ZNF821: variants seen among roughly 807,000 people sequenced by gnomAD.
ZNF821 encodes the protein zinc finger protein 821.
In ZNF821, 16 loss-of-function variants were observed where a neutral mutation model predicts 44.3. That is an observed-to-expected ratio of 0.36 (90% CI 0.24 to 0.55). The LOEUF is 0.55. Ranked by LOEUF, ZNF821 falls within the 20% of genes least tolerant of loss-of-function variation. The probability of loss-of-function intolerance (pLI) is 0.86; values close to 1 mark genes in which losing one functional copy is unlikely to be tolerated. For synonymous variants in ZNF821, 204 were observed against 197.6 expected (o/e 1.03, Z -0.27); for missense variants, 436 against 547.6 (o/e 0.80, Z 2.03).
chr16:71,886,204 A>C (rs1157723149), upstream of ZNF821, among the ~76,000 whole-genome samples: 1 of 152,212 alleles, frequency 6.6e-6, no homozygotes, highest in Non-Finnish European at 1.5e-5. Context: ...GTTGTGATTC[A>C]AGGTTACAAC....
chr16:71,862,224 C>G (rs1420770455), intron 6 of ZNF821, among the ~76,000 whole-genome samples: 1 of 152,180 alleles, frequency 6.6e-6, no homozygotes, highest in East Asian at 1.9e-4. Flanking sequence ...TGCCTGTAAT[C>G]CCAACACTTT....
rs1233551011 is a variant in ZNF821, at chr16:71,860,603, A to G, written c.654T>C (p.Ala218=). Residue 218 remains alanine (A), a synonymous_variant, in exon 8 of 8, where the codon GCT becomes GCC. Coordinates refer to ENST00000425432, the MANE Select transcript of ZNF821 (RefSeq NM_001201552.2). This position sits in a 1 kb window ranked among gnomAD's most constrained non-coding sequence, Gnocchi z 7.3. Reference sequence around the variant, plus strand: ...GACTAAAGGCAATATCCTTCCCCTCAGCACTGGAGGGACCCTCATTGTGGA... The same window carrying G: ...GACTAAAGGCAATATCCTTCCCCTCGGCACTGGAGGGACCCTCATTGTGGA... ...PTVHNEGPSS[A]EGKDIAFSPP... The G allele has an allele frequency of 1.2e-6, 2 of 1,614,162 alleles. No individual in the cohort carries two copies. Among genetic ancestry groups the G allele is most frequent in the Non-Finnish European group, 1.7e-6 (2 of 1,180,030 alleles).
chr16:71,879,826 G>A, intron 3 of ZNF821, 81 bp downstream of exon 3: 2 of 1,311,592 alleles, frequency 1.5e-6, no homozygotes, highest in Admixed American at 2.2e-5. Flanking sequence ...ATTAGCGTGA[G>A]CTTCTCCCCT....
intron 3 of ZNF821, among the ~76,000 whole-genome samples, chr16:71,876,585 T>A (rs1163532419): frequency 3.3e-5 from 5 of 151,978 alleles, no homozygotes; most frequent in Non-Finnish European, 1.5e-5. Flanking sequence ...ATACTTCATT[T>A]TTTTCTTTCT....
chr16:71,877,781 G>A (rs551799535), intron 3 of ZNF821, among the ~76,000 whole-genome samples: 139 of 151,266 alleles, frequency 9.2e-4, no homozygotes, highest in African/African-American at 3.1e-3. Flanking sequence ...TTAGCCGGGC[G>A]TGGTGGCATG....
upstream of ZNF821, among the ~76,000 whole-genome samples, chr16:71,886,104 C>G (rs1432933688): frequency 1.3e-5 from 2 of 152,186 alleles, no homozygotes; most frequent in African/African-American, 4.8e-5. Flanking sequence ...TGTTGGGCAG[C>G]TTATTCCATC....
At chr16:71,879,495 G>C (rs1052243521) in intron 3 of ZNF821, among the ~76,000 whole-genome samples, 1 of 151,984 alleles carries the variant, frequency 6.6e-6, no homozygotes, top group Non-Finnish European at 1.5e-5. Context: ...TGCAGCATCT[G>C]TTTGGCAATT....
chr16:71,879,347 T>C (rs952826957), intron 3 of ZNF821, among the ~76,000 whole-genome samples: 16 of 152,172 alleles, frequency 1.1e-4, no homozygotes, highest in Non-Finnish European at 2.4e-4. Flanking sequence ...ATTTTTTTTT[T>C]CAAATCCATT....
At chr16:71,867,686 C>CAA (rs879563055) in intron 4 of ZNF821, among the ~76,000 whole-genome samples, 1 of 140,188 alleles carries the variant, frequency 7.1e-6, no homozygotes, top group African/African-American at 2.6e-5. Flanking sequence ...AACTCTGTCA[C>CAA]AAAAAAAAAA....
At chr16:71,892,101 C>T (rs962172310) in intron 1 of ZNF821, among the ~76,000 whole-genome samples, 2 of 125,334 alleles carry the variant, frequency 1.6e-5, no homozygotes, top group South Asian at 2.8e-4. Flanking sequence ...TCGCTTTAAC[C>T]CGGGAGGTGG....
chr16:71,873,321 C>CA (rs71153677), intron 3 of ZNF821, among the ~76,000 whole-genome samples: 3,723 of 132,060 alleles, frequency 0.028, 60 homozygotes, highest in Non-Finnish European at 0.03. Context: ...GATGCTGTCT[C>CA]AAAAAAAAAA....
intron 3 of ZNF821, among the ~76,000 whole-genome samples, chr16:71,876,320 C>A (rs2142438351): frequency 6.6e-6 from 1 of 152,166 alleles, no homozygotes. Context: ...TCTCCTGCCT[C>A]AGCCTCCCGA....
At chr16:71,863,937 A>T (rs1193222334) in intron 6 of ZNF821, among the ~76,000 whole-genome samples, 3 of 152,160 alleles carry the variant, frequency 2.0e-5, no homozygotes, top group South Asian at 2.1e-4. Context: ...ACTTCAAGTG[A>T]TCTACCCGCC....
intron 1 of ZNF821, chr16:71,891,548 C>T (rs756958083): frequency 6.6e-6 from 1 of 152,130 alleles, no homozygotes; most frequent in Admixed American, 6.6e-5. Context: ...TTTACAACTC[C>T]CGAGTAGAAA....
chr16:71,877,739 T>C (rs1299665171), intron 3 of ZNF821, among the ~76,000 whole-genome samples: 2 of 150,900 alleles, frequency 1.3e-5, no homozygotes, highest in Admixed American at 6.6e-5. Context: ...GGCAACATGG[T>C]GAAACCCCGT....
At position 71,865,150 on chromosome 16, in the gene ZNF821, A is replaced by T. The variant is rs560744570; in HGVS notation, c.167-102T>A. 6.9e-4 allele frequency: 973 copies of T among 1,407,478 alleles called. 15 individuals carry two copies. In the South Asian group the frequency reaches 0.011, roughly 17 times the overall value. 87.2% of individuals were successfully genotyped at this position (1,407,478 alleles called of 1,614,324 possible). On this transcript the variant is annotated intron_variant, in intron 4 of 7. Transcript: ENST00000425432. ...CAGTTACAATAGAAAACATTTTCAG[A>T]TCTTCCATAATATAGTTTATATAGT...
chr16:71,890,258 CT>C (rs111500905), intron 1 of ZNF821, among the ~76,000 whole-genome samples: 7,082 of 151,198 alleles, frequency 0.047, 527 homozygotes, highest in African/African-American at 0.16. Flanking sequence ...TCTTCTTTTT[CT>C]TTTTTTGTTT....
intron 1 of ZNF821, chr16:71,894,651 G>T: frequency 2.1e-6 from 1 of 484,132 alleles, no homozygotes; most frequent in South Asian, 2.2e-5. Context: ...TCAGCCTCCC[G>T]AGTAGCTGAG....
At chr16:71,884,589 C>T (rs959552976), upstream of ZNF821, 8 of 152,306 alleles carry the variant, frequency 5.3e-5, no homozygotes, top group African/African-American at 1.7e-4. Flanking sequence ...ACCACCGTCA[C>T]AAACCCTCTT....
Sources: allele counts gnomAD v4.1 joint callset (sites outside exome capture counted in the v4.1 genomes callset), GRCh38; gene constraint gnomAD v4.1.1; non-coding constraint Gnocchi (gnomAD v3.1); transcripts MANE v1.5; gene names NCBI Gene and HGNC (gene_info 2026-07-23, HGNC 2026-07-21).